RALGAPA1: variants seen among roughly 807,000 people sequenced by gnomAD.
RALGAPA1 encodes the protein Ral GTPase activating protein catalytic subunit alpha 1.
In RALGAPA1, 52 loss-of-function variants were observed where a neutral mutation model predicts 269.6. The observed-to-expected ratio is 0.19, with a 90% confidence interval of 0.15 to 0.24. The LOEUF is 0.24. RALGAPA1 is among the 10% of genes least tolerant of loss of function. The pLI, the probability that RALGAPA1 is intolerant of heterozygous loss-of-function variation, is 1.00. For synonymous variants in RALGAPA1, 817 were observed against 1,008.3 expected (o/e 0.81, Z 3.60); for missense variants, 1,917 against 3,013.9 (o/e 0.64, Z 8.52).
At position 35,609,531 on chromosome 14, in the gene RALGAPA1, C is replaced by T. The variant is rs148514965; in HGVS notation, c.6930-3822G>A. 3.3e-4 allele frequency among the ~76,000 whole-genome samples: 50 copies of T among 152,254 alleles called. 1 individual carries two copies. Among genetic ancestry groups the T allele is most frequent in the Middle Eastern group, 3.4e-3 (1 of 294 alleles). On this transcript the variant is annotated intron_variant, in intron 35 of 41. Transcript: ENST00000680220. The stretch of plus-strand genomic sequence containing the variant: ...AAAGAAGTGCTCATTGGGAAATTTA[C>T]AGATCTAAATGCCTCTATTAAAAAA...
chr14:35,658,640 C>T (rs1315006823), intron 28 of RALGAPA1, among the ~76,000 whole-genome samples: 5 of 151,518 alleles, frequency 3.3e-5, no homozygotes, highest in Admixed American at 3.3e-4. Flanking sequence ...GCTTTTATTT[C>T]TTAAGACATT....
intron 36 of RALGAPA1, among the ~76,000 whole-genome samples, chr14:35,598,284 A>G (rs2059046110): frequency 6.6e-6 from 1 of 151,932 alleles, no homozygotes; most frequent in Admixed American, 6.6e-5. Flanking sequence ...GTCTCCAGTA[A>G]TTCTCTTTGC....
intron 16 of RALGAPA1, among the ~76,000 whole-genome samples, chr14:35,705,592 C>T (rs929207557): frequency 6.6e-6 from 1 of 152,024 alleles, no homozygotes; most frequent in Non-Finnish European, 1.5e-5. Flanking sequence ...TGAAGAATAT[C>T]TTAGACAATT....
intron 33 of RALGAPA1, among the ~76,000 whole-genome samples, chr14:35,634,057 G>T (rs2061518760): frequency 6.6e-6 from 1 of 151,920 alleles, no homozygotes; most frequent in African/African-American, 2.4e-5. Context: ...CAAAATTCAG[G>T]TCAGACTCCA....
chr14:35,677,174 T>A (rs1481602270), intron 22 of RALGAPA1: 2 of 152,262 alleles, frequency 1.3e-5, no homozygotes, highest in East Asian at 3.8e-4. Flanking sequence ...ACCTCTACAG[T>A]TAGTTTTAAA....
intron 1 of RALGAPA1, among the ~76,000 whole-genome samples, chr14:35,792,245 T>C (rs911982619): frequency 5.3e-5 from 8 of 152,132 alleles, no homozygotes; most frequent in Non-Finnish European, 1.0e-4. Context: ...GAACCTCTTC[T>C]TCCTGGGTTC....
chr14:35,786,818 C>T (rs1433599128), intron 1 of RALGAPA1, among the ~76,000 whole-genome samples: 1 of 152,122 alleles, frequency 6.6e-6, no homozygotes, highest in African/African-American at 2.4e-5. Context: ...GTGCTCTTAT[C>T]CTAACTGCTT....
intron 1 of RALGAPA1, among the ~76,000 whole-genome samples, chr14:35,788,328 TC>T (rs760075290): frequency 1.3e-4 from 20 of 152,256 alleles, no homozygotes; most frequent in Non-Finnish European, 2.6e-4. Context: ...AGTCACAACA[TC>T]CCTGATTCAA....
At chr14:35,743,075 G>T (rs969064004) in intron 10 of RALGAPA1, among the ~76,000 whole-genome samples, 1 of 151,950 alleles carries the variant, frequency 6.6e-6, no homozygotes, top group Non-Finnish European at 1.5e-5. Context: ...ACAGTTTTGG[G>T]ATATGGGAAG....
intron 16 of RALGAPA1, chr14:35,715,617 T>C (rs556324316): frequency 7.8e-6 from 4 of 513,742 alleles, no homozygotes; most frequent in Non-Finnish European, 1.0e-5. Context: ...TTGATTCTAA[T>C]CTGTGGAATT....
intron 4 of RALGAPA1, chr14:35,767,020 A>C (rs893460148): frequency 8.3e-6 from 3 of 362,888 alleles, no homozygotes; most frequent in Non-Finnish European, 1.6e-5. Flanking sequence ...AAAAACAAGT[A>C]AAGTTTCCTG....
At chr14:35,701,126 T>A (rs1317300377) in intron 16 of RALGAPA1, among the ~76,000 whole-genome samples, 1 of 152,128 alleles carries the variant, frequency 6.6e-6, no homozygotes, top group Non-Finnish European at 1.5e-5. Flanking sequence ...GAGTCCCTAG[T>A]TCACAAAAAT....
At chr14:35,691,386 ATT>A (rs1208472079) in intron 17 of RALGAPA1, among the ~76,000 whole-genome samples, 3 of 152,120 alleles carry the variant, frequency 2.0e-5, no homozygotes, top group Admixed American at 6.5e-5. Context: ...ACAAAAAAAA[ATT>A]GTTTTCAGAA....
chr14:35,664,928 C>T (rs193112513), intron 26 of RALGAPA1, among the ~76,000 whole-genome samples, 161 bp from the exon 27 acceptor site: 2 of 152,322 alleles, frequency 1.3e-5, no homozygotes, highest in South Asian at 4.1e-4. Context: ...TCCATTTATA[C>T]TTTCCACATA....
intron 4 of RALGAPA1, among the ~76,000 whole-genome samples, chr14:35,768,454 T>G (rs1243512612): frequency 6.7e-6 from 1 of 149,266 alleles, no homozygotes. Flanking sequence ...CTTTGGGAGG[T>G]TGGGGTAGGA....
intron 16 of RALGAPA1, among the ~76,000 whole-genome samples, chr14:35,717,147 A>T (rs1298872402): frequency 1.3e-5 from 2 of 152,184 alleles, no homozygotes; most frequent in African/African-American, 4.8e-5. Context: ...ATACATAAGT[A>T]TATTCTATAC....
intron 6 of RALGAPA1, among the ~76,000 whole-genome samples, chr14:35,759,200 A>G (rs977561299): frequency 6.6e-6 from 1 of 152,264 alleles, no homozygotes; most frequent in Non-Finnish European, 1.5e-5. Flanking sequence ...ATTTTATGCC[A>G]GCTTGGTACT....
chr14:35,726,858 G>A (rs899798845), intron 13 of RALGAPA1, among the ~76,000 whole-genome samples: 7 of 152,174 alleles, frequency 4.6e-5, no homozygotes, highest in African/African-American at 7.2e-5. Context: ...CAGAAAAACC[G>A]TAGTTCAAAT....
At chr14:35,614,193 G>T (rs1169198288) in intron 35 of RALGAPA1, among the ~76,000 whole-genome samples, 3 of 152,154 alleles carry the variant, frequency 2.0e-5, no homozygotes, top group African/African-American at 7.2e-5. Context: ...GTGAAACAGA[G>T]AGTTATCATA....
Sources: gnomAD v4.1 joint callset for allele counts (sites outside exome capture counted in the v4.1 genomes callset) on GRCh38, gnomAD v4.1.1 for gene constraint, MANE v1.5 for transcripts, NCBI Gene and HGNC (gene_info 2026-07-23, HGNC 2026-07-21) for gene names.